The following NPAS3 variants were observed in gnomAD, a reference collection of about 807,000 sequenced individuals.
The protein encoded by NPAS3 is neuronal PAS domain protein 3.
Under a neutral mutation model 73.1 loss-of-function variants are expected in NPAS3, and 14 were observed. That is an observed-to-expected ratio of 0.19 (90% confidence interval 0.13 to 0.30). The LOEUF (loss-of-function observed/expected upper bound fraction) is 0.30, where lower values mean the gene tolerates loss of function less well. NPAS3 is among the 10% of genes least tolerant of loss of function. The pLI is 1.00. For missense variants in NPAS3, 1,096 were observed against 1,250.0 expected (o/e 0.88, Z 1.86); for synonymous variants, 620 against 541.5 (o/e 1.14, Z -2.01).
rs201628691 is a variant in NPAS3, at chr14:33,080,259, C to T, written c.140+24265C>T. 2.0e-5 allele frequency among the ~76,000 whole-genome samples: 3 copies of T among 152,210 alleles called. No homozygotes were observed. The East Asian group carries it at 5.8e-4, about 30-fold the overall frequency. On this transcript the variant is annotated intron_variant, in intron 2 of 11. Coordinates refer to ENST00000356141, the Ensembl canonical transcript of NPAS3. ...AGTAGCTGGGACTACAGGCGCCCGCCACCACGCCTGGCTAATTTTTGTATT... is the reference window on the plus strand; with the variant it reads ...AGTAGCTGGGACTACAGGCGCCCGCTACCACGCCTGGCTAATTTTTGTATT...
At position 33,417,227 on chromosome 14, in the gene NPAS3, T is replaced by C. The variant is rs147190146; in HGVS notation, c.468+49959T>C. Among the ~76,000 whole-genome samples, 419 of 152,106 alleles carry C rather than the reference T, an allele frequency of 2.8e-3. 2 individuals carry two copies. The highest frequency in any genetic ancestry group is 9.6e-3 in the African/African-American group (399 of 41,522). ...ATATTAAATGCAAATTCCTGGAAAA[T>C]CCTCAAAAATCACTTATTTATGAAA... On this transcript the variant is annotated intron_variant, in intron 4 of 11. Coordinates refer to ENST00000356141, the Ensembl canonical transcript of NPAS3.
chr14:33,553,333 A>G (rs1455096704), intron 4 of NPAS3, among the ~76,000 whole-genome samples: 1 of 152,188 alleles, frequency 6.6e-6, no homozygotes, highest in Non-Finnish European at 1.5e-5. Context: ...TTGCTAGCTC[A>G]GTGTCTCTCC....
intron 4 of NPAS3, among the ~76,000 whole-genome samples, chr14:33,458,817 ATACGAGAGTT>A: frequency 6.6e-6 from 1 of 152,246 alleles, no homozygotes; most frequent in Non-Finnish European, 1.5e-5. Context: ...AAATTATTAC[ATACGAGAGTT>A]TTGTTACAGG....
chr14:33,663,521 A>C (rs2059368306), intron 5 of NPAS3, among the ~76,000 whole-genome samples: 1 of 152,188 alleles, frequency 6.6e-6, no homozygotes, highest in Admixed American at 6.5e-5. Flanking sequence ...ATTGGCCTGA[A>C]ATTTTCTTTT....
chr14:33,604,332 C>T (rs1388508953), intron 5 of NPAS3, among the ~76,000 whole-genome samples: 1 of 151,898 alleles, frequency 6.6e-6, no homozygotes, highest in Non-Finnish European at 1.5e-5. Context: ...AAAAACTGTA[C>T]TGTGTTAGCA....
At chr14:33,659,364 G>A (rs996891453) in intron 5 of NPAS3, among the ~76,000 whole-genome samples, 3 of 152,118 alleles carry the variant, frequency 2.0e-5, no homozygotes, top group Admixed American at 2.0e-4. Flanking sequence ...TTAATGACCA[G>A]TGCCTTCTAT....
intron 5 of NPAS3, chr14:33,586,045 G>A (rs951720711): frequency 1.3e-5 from 2 of 152,004 alleles, no homozygotes; most frequent in African/African-American, 4.8e-5. Context: ...GAGTGGTTAT[G>A]AGGCACCTAG....
chr14:33,091,255 A>G (rs1179594567), intron 2 of NPAS3, among the ~76,000 whole-genome samples: 1 of 152,254 alleles, frequency 6.6e-6, no homozygotes, highest in African/African-American at 2.4e-5. Context: ...AGGCTAAGAA[A>G]GAAGAAAACA....
chr14:33,192,883 C>T (rs1172714852), intron 2 of NPAS3, among the ~76,000 whole-genome samples: 1 of 152,282 alleles, frequency 6.6e-6, no homozygotes, highest in Admixed American at 6.5e-5. Flanking sequence ...GTAGGAACTC[C>T]CTTTTAAGTG....
intron 3 of NPAS3, among the ~76,000 whole-genome samples, chr14:33,305,379 C>A (rs1328108490): frequency 6.6e-6 from 1 of 151,968 alleles, no homozygotes; most frequent in African/African-American, 2.4e-5. Context: ...CTATGGAAAT[C>A]AACATAAAAC....
chr14:33,378,057 T>G (rs1338749854), intron 4 of NPAS3, among the ~76,000 whole-genome samples: 1 of 152,190 alleles, frequency 6.6e-6, no homozygotes, highest in Non-Finnish European at 1.5e-5. Flanking sequence ...GATTTGAATA[T>G]CTGCACTTGG....
At chr14:33,769,788 A>C (rs1332643106) in intron 7 of NPAS3, among the ~76,000 whole-genome samples, 1 of 68,296 alleles carries the variant, frequency 1.5e-5, no homozygotes, top group Non-Finnish European at 2.8e-5. Flanking sequence ...TTTTTGAGAC[A>C]AGATCTTGCT....
intron 6 of NPAS3, among the ~76,000 whole-genome samples, chr14:33,706,228 A>G (rs1201522664): frequency 6.6e-6 from 1 of 152,254 alleles, no homozygotes; most frequent in East Asian, 1.9e-4. Flanking sequence ...GTATGTAAGC[A>G]GAGGCCCAGA....
chr14:33,361,015 G>A (rs1018795040), intron 3 of NPAS3, among the ~76,000 whole-genome samples: 1 of 152,116 alleles, frequency 6.6e-6, no homozygotes, highest in Non-Finnish European at 1.5e-5. Context: ...GTTCTCTCAC[G>A]AAGAATGTTA....
In NPAS3 at chr14:33,004,887, G is replaced by A. The variant is rs187910175; in HGVS notation, c.51-51018G>A. Reference sequence around the variant, plus strand: ...CTAAGACACAAACCTTCACATTAACGTAGGACTATACGGTATCAAGGTCAC... The same window carrying A: ...CTAAGACACAAACCTTCACATTAACATAGGACTATACGGTATCAAGGTCAC... On this transcript the variant is annotated intron_variant, in intron 1 of 11. Transcript: ENST00000356141. 1.7e-4 allele frequency among the ~76,000 whole-genome samples: 21 copies of A among 123,266 alleles called. No homozygotes were observed. In the East Asian group the frequency reaches 3.0e-3, roughly 17 times the overall value. 80.9% of individuals were successfully genotyped at this position (123,266 alleles called of 152,430 possible).
At chr14:33,034,498 TAG>T (rs1228251901) in intron 1 of NPAS3, among the ~76,000 whole-genome samples, 1 of 151,400 alleles carries the variant, frequency 6.6e-6, no homozygotes, top group Non-Finnish European at 1.5e-5. Context: ...TATATATTAA[TAG>T]AGTTAATATA....
At chr14:33,352,797 G>A (rs1032266450) in intron 3 of NPAS3, among the ~76,000 whole-genome samples, 2 of 152,018 alleles carry the variant, frequency 1.3e-5, no homozygotes, top group Non-Finnish European at 2.9e-5. Flanking sequence ...GTATGAGAGG[G>A]GAATAAACTT....
intron 4 of NPAS3, among the ~76,000 whole-genome samples, chr14:33,393,435 T>C (rs1237276356): frequency 6.6e-6 from 1 of 152,168 alleles, no homozygotes; most frequent in Non-Finnish European, 1.5e-5. Flanking sequence ...CATGCATGTT[T>C]CCTTGGAGCG....
At chr14:33,563,932 A>G (rs2055793179) in intron 5 of NPAS3, among the ~76,000 whole-genome samples, 1 of 152,224 alleles carries the variant, frequency 6.6e-6, no homozygotes, top group Non-Finnish European at 1.5e-5. Flanking sequence ...TAATCGCCAA[A>G]GAATCCAAAA....
Sources: gnomAD v4.1 joint callset for allele counts (sites outside exome capture counted in the v4.1 genomes callset) on GRCh38, gnomAD v4.1.1 for gene constraint, MANE v1.5 for transcripts, NCBI Gene and HGNC (gene_info 2026-07-23, HGNC 2026-07-21) for gene names.